Variants in C1orf53 observed in about 807,000 individuals in gnomAD.
C1orf53 encodes uncharacterized protein C1orf53.
C1orf53 carries 23 observed loss-of-function variants against 17.5 expected under a neutral mutation model. That is an observed-to-expected ratio of 1.31 (90% CI 0.94 to 1.86). The LOEUF (loss-of-function observed/expected upper bound fraction) is 1.86, where lower values mean the gene tolerates loss of function less well. C1orf53 is among the 40% of genes most tolerant of loss of function. The pLI, the probability that C1orf53 is intolerant of heterozygous loss-of-function variation, is 0.00. For synonymous variants in C1orf53, 108 were observed against 81.9 expected (o/e 1.32, Z -1.72); for missense variants, 255 against 193.2 (o/e 1.32, Z -1.89).
At position 197,904,847 on chromosome 1, in the gene C1orf53, T is replaced by G. The variant is rs143095421; in HGVS notation, c.265-949T>G. Among the ~76,000 whole-genome samples, 580 of 152,286 alleles carry G rather than the reference T, an allele frequency of 3.8e-3. 4 individuals are homozygous for G. The highest frequency in any genetic ancestry group is 0.013 in the African/African-American group (545 of 41,550). Reference sequence around the variant, plus strand: ...ATTAAATGAGACACTGAAGAAGTTGTTGGTGGTTCATACAAAAATGTGTTT... The same window carrying G: ...ATTAAATGAGACACTGAAGAAGTTGGTGGTGGTTCATACAAAAATGTGTTT... On this transcript the variant is annotated intron_variant, in intron 1 of 2. Coordinates refer to ENST00000367393, the MANE Select transcript of C1orf53 (RefSeq NM_001024594.3).
At chr1:197,903,164 C>T (rs1410811449) in intron 1 of C1orf53, among the ~76,000 whole-genome samples, 1 of 152,176 alleles carries the variant, frequency 6.6e-6, no homozygotes, top group African/African-American at 2.4e-5. Context: ...AGCTAAACTC[C>T]GGTCGCAGTG....
In C1orf53 at chr1:197,902,804, C is replaced by T. The variant is rs1659445271; in HGVS notation, c.155C>T (p.Ser52Phe). ...GCTAACGAGGGAAACTGCGGCGGCT[C>T]CGCGCCCAGCACGCCCGGTAGGCCG... ...CPANEGNCGG[S>F]APSTPGRPER... is the part of the protein sequence containing the mutation. The change falls in exon 1 of 3, where the codon TCC becomes TTC. Residue 52 changes from serine (S) to phenylalanine (F), a missense_variant. By Grantham distance (155) the Ser-to-Phe change is radical (BLOSUM62 -2). Transcript: ENST00000367393. 2 of 1,578,482 alleles carry T rather than the reference C, an allele frequency of 1.3e-6. No homozygotes were observed. Among genetic ancestry groups the T allele is most frequent in the East Asian group, 4.8e-5 (2 of 42,080 alleles).
In C1orf53 at chr1:197,902,817, G is replaced by T. The variant is rs1659445624; in HGVS notation, c.168G>T (p.Thr56=). ...ACTGCGGCGGCTCCGCGCCCAGCAC[G>T]CCCGGTAGGCCGGAGAGAGCGGCGA... is the stretch of plus-strand genomic sequence containing the variant. ...EGNCGGSAPS[T]PGRPERAARP... The change falls in exon 1 of 3, where the codon ACG becomes ACT. Residue 56 remains threonine, a synonymous_variant. Transcript: ENST00000367393. 1 of 1,572,854 alleles carries T rather than the reference G, an allele frequency of 6.4e-7. No homozygotes were observed. Among genetic ancestry groups the T allele is most frequent in the Non-Finnish European group, 8.6e-7 (1 of 1,167,096 alleles).
chr1:197,905,890 G>A lies in C1orf53; in HGVS notation c.359G>A (p.Cys120Tyr). ...LQRGECCGSA[C>Y]RHCPYGQVNV... ...AGAGGTGAATGTTGTGGCTCTGCGTGCAGACATGTGAGTAGCAATTCTTGC... is the reference window on the plus strand; with the variant it reads ...AGAGGTGAATGTTGTGGCTCTGCGTACAGACATGTGAGTAGCAATTCTTGC... The change falls in exon 2 of 3, where the codon TGC (cysteine) becomes TAC (tyrosine). Residue 120 changes from cysteine to tyrosine, a missense_variant. Physicochemically the swap from Cys to Tyr is radical, Grantham distance 194 (BLOSUM62 -2). Coordinates refer to ENST00000367393, the MANE Select transcript of C1orf53 (RefSeq NM_001024594.3). 6.2e-7 allele frequency: 1 copy of A among 1,612,388 alleles called. No individual in the cohort carries two copies. Among genetic ancestry groups the A allele is most frequent in the Non-Finnish European group, 8.5e-7 (1 of 1,178,496 alleles).
At chr1:197,906,861 A>ATGC (rs1164327852) in intron 2 of C1orf53, among the ~76,000 whole-genome samples, 1 of 152,234 alleles carries the variant, frequency 6.6e-6, no homozygotes, top group East Asian at 1.9e-4. Flanking sequence ...TTCTAATCAA[A>ATGC]TGCATAAGAG....
At chr1:197,905,947 C>A in intron 2 of C1orf53, 50 bp downstream of exon 2, 1 of 1,247,896 alleles carries the variant, frequency 8.0e-7, no homozygotes. Flanking sequence ...GCTTCTGTAA[C>A]TTCGTAAATA....
At chr1:197,902,957 G>T (rs1000575352) in intron 1 of C1orf53, 44 bp downstream of exon 1, 6 of 1,333,092 alleles carry the variant, frequency 4.5e-6, no homozygotes, top group Non-Finnish European at 3.8e-6. Flanking sequence ...CGGCCGCCCC[G>T]GGCTCGGCGC....
At chr1:197,905,207 C>CT (rs1227393591) in intron 1 of C1orf53, among the ~76,000 whole-genome samples, 3 of 151,674 alleles carry the variant, frequency 2.0e-5, no homozygotes, top group Non-Finnish European at 4.4e-5. Flanking sequence ...TAAAACAATA[C>CT]TTTTTTCACT....
Position 197,902,834 on chromosome 1 carries a change from G to C in C1orf53, c.185G>C (p.Arg62Thr). The C allele has an allele frequency of 6.4e-7, 1 of 1,562,572 alleles. No homozygotes were observed. The highest frequency in any genetic ancestry group is 8.6e-7 in the Non-Finnish European group (1 of 1,161,870). Reference protein sequence around the residue: ...SAPSTPGRPERAARPSVSEEL... With the variant: ...SAPSTPGRPETAARPSVSEEL... ...CCCAGCACGCCCGGTAGGCCGGAGA[G>C]AGCGGCGAGGCCTTCGGTGAGCGAA... The change falls in exon 1 of 3, where the codon AGA becomes ACA. Residue 62 changes from arginine to threonine, a missense_variant. Physicochemically the swap from Arg to Thr is moderately conservative, Grantham distance 71. Transcript: ENST00000367393.
chr1:197,907,185 A>G lies in C1orf53; in HGVS notation c.403A>G (p.Lys135Glu), dbSNP rs1416794365. 3.8e-6 allele frequency: 6 copies of G among 1,583,650 alleles called. No homozygotes were observed. The African/African-American group carries it at 4.0e-5, about 11-fold the overall frequency. The change falls in exon 3 of 3, where the codon AAA (lysine) becomes GAA (glutamate). Residue 135 changes from lysine to glutamate, a missense_variant. Lys to Glu is a moderately conservative substitution (Grantham distance 56). Coordinates refer to ENST00000367393, the MANE Select transcript of C1orf53 (RefSeq NM_001024594.3). ...YGQVNVKDPS[K>E]KKQFNSYFYV ...TCAAGTCAATGTTAAAGATCCATCT[A>G]AAAAGAAGCAATTCAATTCATATTT...
intron 2 of C1orf53, among the ~76,000 whole-genome samples, chr1:197,906,777 A>C (rs996668166): frequency 6.6e-6 from 1 of 152,246 alleles, no homozygotes; most frequent in Admixed American, 6.5e-5. Flanking sequence ...TAGACACTAA[A>C]TGCATGTATT....
At position 197,902,704 on chromosome 1, in the gene C1orf53, T is replaced by TCCGCCGCC. The variant is rs773673754; in HGVS notation, c.64_71dup (p.Ala25ArgfsTer8). On this transcript the variant is annotated frameshift_variant, in exon 1 of 3. Coordinates refer to ENST00000367393, the MANE Select transcript of C1orf53 (RefSeq NM_001024594.3). LOFTEE classifies it high-confidence loss of function. Reference sequence around the variant, plus strand: ...GGGTGCCGCGCTCTGCAGGCAACCTTCCGCCGCCCCGCCGCCAGCACCTCT... The same window carrying TCCGCCGCC: ...GGGTGCCGCGCTCTGCAGGCAACCTTCCGCCGCCCCGCCGCCCCGCCGCCAGCACCTCT... The TCCGCCGCC allele has an allele frequency of 2.6e-6, 4 of 1,522,078 alleles. No homozygotes were observed. The highest frequency in any genetic ancestry group is 3.5e-6 in the Non-Finnish European group (4 of 1,142,456). The allele number at this position is 1,522,078 out of a possible 1,614,324, so 94.3% of individuals were successfully genotyped here.
chr1:197,902,963 G>A (rs772253491), intron 1 of C1orf53, 50 bp downstream of exon 1: 16 of 1,330,318 alleles, frequency 1.2e-5, no homozygotes, highest in Non-Finnish European at 1.5e-5. Context: ...CCCCGGGCTC[G>A]GCGCGCCTGC....
At chr1:197,903,192 C>G (rs1659468101) in intron 1 of C1orf53, among the ~76,000 whole-genome samples, 1 of 152,118 alleles carries the variant, frequency 6.6e-6, no homozygotes, top group Non-Finnish European at 1.5e-5. Context: ...CACTACCACT[C>G]TTTTGTGGTG....
rs776188269 is a variant in C1orf53 at position 197,907,113 on chromosome 1, A to G, written c.367-36A>G. On this transcript the variant is annotated intron_variant, in intron 2 of 2. Transcript: ENST00000367393. ...TGTGCTTTTTCAAGATGATTGTTAAATAATTTAATAATAATTTGTTTTATT... is the reference window on the plus strand; with the variant it reads ...TGTGCTTTTTCAAGATGATTGTTAAGTAATTTAATAATAATTTGTTTTATT... 10 of 1,270,018 alleles carry G rather than the reference A, an allele frequency of 7.9e-6. No individual in the cohort carries two copies. The East Asian group carries it at 2.5e-4, about 31-fold the overall frequency. The allele number at this position is 1,270,018 out of a possible 1,614,324, so 78.7% of individuals were successfully genotyped here.
At position 197,907,277 on chromosome 1, in the gene C1orf53, C is replaced by T. The variant is rs148745981; in HGVS notation, c.*57C>T. 2.0e-3 allele frequency: 1,954 copies of T among 983,462 alleles called. 12 individuals are homozygous for T. Among genetic ancestry groups the T allele is most frequent in the South Asian group, 7.1e-3 (469 of 66,344 alleles). 60.9% of individuals were successfully genotyped at this position (983,462 alleles called of 1,614,324 possible). On this transcript the variant is annotated 3_prime_UTR_variant, in exon 3 of 3. Coordinates refer to ENST00000367393, the MANE Select transcript of C1orf53 (RefSeq NM_001024594.3). ...TTGTATTTTTTAAAAAATAAAGCCC[C>T]AATTCAGAATTGCTGGATTATTAGT... is the stretch of plus-strand genomic sequence containing the variant.
At position 197,902,829 on chromosome 1, in the gene C1orf53, G is replaced by T; in HGVS notation, c.180G>T (p.Pro60=). 6.4e-7 allele frequency: 1 copy of T among 1,566,756 alleles called. No individual in the cohort carries two copies. The change falls in exon 1 of 3, where the codon CCG becomes CCT. Residue 60 remains proline (P), a synonymous_variant. Coordinates refer to ENST00000367393, the MANE Select transcript of C1orf53 (RefSeq NM_001024594.3). ...GGSAPSTPGR[P]ERAARPSVSE... is the part of the protein sequence containing the mutation. ...CCGCGCCCAGCACGCCCGGTAGGCCGGAGAGAGCGGCGAGGCCTTCGGTGA... is the reference window on the plus strand; with the variant it reads ...CCGCGCCCAGCACGCCCGGTAGGCCTGAGAGAGCGGCGAGGCCTTCGGTGA...
At chr1:197,905,445 C>G (rs1235440019) in intron 1 of C1orf53, 1 of 161,608 alleles carries the variant, frequency 6.2e-6, no homozygotes, top group African/African-American at 2.4e-5. Context: ...TTTTCAGCCT[C>G]TTAAGCTCTT....
intron 1 of C1orf53, among the ~76,000 whole-genome samples, chr1:197,903,641 C>T (rs1393038179): frequency 6.6e-6 from 1 of 152,144 alleles, no homozygotes; most frequent in Non-Finnish European, 1.5e-5. Context: ...ATGAAATGAA[C>T]CCATTTAATA....
Sources: allele counts gnomAD v4.1 joint callset (sites outside exome capture counted in the v4.1 genomes callset), GRCh38; gene constraint gnomAD v4.1.1; transcripts MANE v1.5; gene names NCBI Gene and HGNC (gene_info 2026-07-23, HGNC 2026-07-21).